Variants in LCORL observed in about 807,000 individuals in gnomAD.
LCORL encodes ligand dependent nuclear receptor corepressor like.
In LCORL, 41 loss-of-function variants were observed where a neutral mutation model predicts 141.8. The observed-to-expected ratio is 0.29, with a 90% CI of 0.23 to 0.38. LCORL has a LOEUF of 0.38. LCORL is among the 10% of genes least tolerant of loss of function. The pLI is 1.00. For synonymous variants in LCORL, 618 were observed against 694.1 expected, an observed-to-expected ratio of 0.89 and a Z score of 1.72; for missense variants, 1,759 against 2,035.0, an observed-to-expected ratio of 0.86 and a Z score of 2.61.
At chr4:17,913,059 T>A (rs1732835185) in intron 4 of LCORL, 2 of 240,964 alleles carry the variant, frequency 8.3e-6, no homozygotes, top group East Asian at 1.1e-4. Flanking sequence ...CAACTCATTT[T>A]AAAGGATGAG....
At chr4:17,899,160 T>C (rs940252052) in intron 5 of LCORL, among the ~76,000 whole-genome samples, 2 of 152,218 alleles carry the variant, frequency 1.3e-5, no homozygotes, top group African/African-American at 4.8e-5. Context: ...AAACTCTTAA[T>C]AGATTAGAAT....
At chr4:17,916,820 T>G (rs1176165834) in intron 4 of LCORL, among the ~76,000 whole-genome samples, 1 of 152,042 alleles carries the variant, frequency 6.6e-6, no homozygotes, top group African/African-American at 2.4e-5. Flanking sequence ...AAGTTTTGTA[T>G]TTTTAGTAGC....
At chr4:17,983,903 T>A (rs894726570) in intron 1 of LCORL, among the ~76,000 whole-genome samples, 1 of 152,142 alleles carries the variant, frequency 6.6e-6, no homozygotes, top group African/African-American at 2.4e-5. Flanking sequence ...TGGCTGTGAG[T>A]TTGTCATATG....
At chr4:17,903,702 C>T (rs758339037) in intron 5 of LCORL, among the ~76,000 whole-genome samples, 12 of 151,752 alleles carry the variant, frequency 7.9e-5, no homozygotes, top group Non-Finnish European at 1.3e-4. Flanking sequence ...ATAGAAAGTA[C>T]AATGGAGAGG....
At position 17,884,317 on chromosome 4, in the gene LCORL, T is replaced by C; in HGVS notation, c.776+1751A>G. On this transcript the variant is annotated intron_variant, in intron 6 of 7. Coordinates refer to ENST00000635767, the Ensembl canonical transcript of LCORL. This position sits in a 1 kb window ranked among gnomAD's most constrained non-coding sequence, Gnocchi z 4.4. ...TTAACTGTACAGTAGGATTTGAAGT[T>C]TCATATTGGAGGCTTTCATTTTTTT... is the stretch of plus-strand genomic sequence containing the variant. 3 of 1,548,558 alleles carry C rather than the reference T, an allele frequency of 1.9e-6. No individual in the cohort carries two copies. Among genetic ancestry groups the C allele is most frequent in the Non-Finnish European group, 1.7e-6 (2 of 1,145,858 alleles).
chr4:17,975,632 G>T (rs760896408), intron 1 of LCORL, among the ~76,000 whole-genome samples: 100 of 152,218 alleles, frequency 6.6e-4, no homozygotes, highest in Non-Finnish European at 1.1e-3. Flanking sequence ...CTGACCTCAG[G>T]TGATCCATCC....
intron 5 of LCORL, among the ~76,000 whole-genome samples, chr4:17,889,071 C>T (rs1269920117): frequency 2.0e-5 from 3 of 152,054 alleles, no homozygotes; most frequent in Non-Finnish European, 4.4e-5. Flanking sequence ...CCTTTCTCTC[C>T]TTTACAGATA....
chr4:17,877,773 A>G, exon 7 of LCORL: 2 of 1,230,708 alleles, frequency 1.6e-6, no homozygotes, highest in South Asian at 8.2e-5. Context: ...TGTAGAGTGA[A>G]TGTTTGGTAA....
chr4:17,883,661 C>T (rs975519324), intron 6 of LCORL: 3 of 1,419,248 alleles, frequency 2.1e-6, no homozygotes, highest in Non-Finnish European at 1.8e-6. Context: ...TGTGCACATA[C>T]ACACACACGC....
chr4:17,865,921 C>T, intron 7 of LCORL, among the ~76,000 whole-genome samples: 1 of 152,178 alleles, frequency 6.6e-6, no homozygotes, highest in East Asian at 1.9e-4. Context: ...GGGAGATCTT[C>T]TAGAAAGCAA....
chr4:17,912,461 A>C, intron 4 of LCORL: 1 of 553,716 alleles, frequency 1.8e-6, no homozygotes. Flanking sequence ...TGGGCCCAAT[A>C]CGATGAGCTG....
At chr4:17,857,780 C>G (rs1724533497) in intron 7 of LCORL, among the ~76,000 whole-genome samples, 1 of 152,196 alleles carries the variant, frequency 6.6e-6, no homozygotes, top group South Asian at 2.1e-4. Context: ...AAAATCATCC[C>G]TGGTTGTAAA....
chr4:17,865,535 A>G (rs1444451058), intron 7 of LCORL, among the ~76,000 whole-genome samples: 1 of 152,218 alleles, frequency 6.6e-6, no homozygotes, highest in Non-Finnish European at 1.5e-5. Context: ...AAAAATCACA[A>G]GAGAAATTAG....
Position 17,873,571 on chromosome 4 carries a change from G to A in LCORL, c.5419C>T (p.Leu1807Phe), listed in dbSNP as rs572392424. The change falls in exon 7 of 8, where the codon CTT becomes TTT. Residue 1807 changes from leucine to phenylalanine, a missense_variant. Physicochemically the swap from Leu to Phe is conservative, Grantham distance 22. Around this residue, in one of 5 missense-constraint regions of LCORL, gnomAD observed 313 missense variants for 336.1 expected, o/e 0.93. Transcript: ENST00000635767. ...CATTTGCTTAATTTACTATTGCCAA[G>A]ATGGTCAGCAAATTCATCAGCTGAA... 7.2e-4 allele frequency: 886 copies of A among 1,233,824 alleles called. 1 individual carries two copies. Among genetic ancestry groups the A allele is most frequent in the Non-Finnish European group, 8.4e-4 (831 of 987,804 alleles). 76.4% of individuals were successfully genotyped at this position (1,233,824 alleles called of 1,614,324 possible). A position where few individuals can be genotyped will look rare whatever the true frequency, so the allele number is the denominator to read the frequency against.
intron 4 of LCORL, among the ~76,000 whole-genome samples, chr4:17,931,809 C>T (rs1038012332): frequency 6.6e-6 from 1 of 152,036 alleles, no homozygotes; most frequent in African/African-American, 2.4e-5. Flanking sequence ...AATATATATT[C>T]ATAAAATATC....
chr4:17,941,320 T>C (rs897237024), intron 4 of LCORL, among the ~76,000 whole-genome samples: 1 of 152,008 alleles, frequency 6.6e-6, no homozygotes, highest in Non-Finnish European at 1.5e-5. Context: ...ATATATACTA[T>C]ATATGCACTT....
Position 18,021,355 on chromosome 4 carries a change from C to T in LCORL, c.154+243G>A, listed in dbSNP as rs1725540412. ...TCCGCGGGGGCTCAGCAAGCGGGTC[C>T]AAACTAACAGTTCCCGGGGAGCCCA... On this transcript the variant is annotated intron_variant, in intron 1 of 7. Coordinates refer to ENST00000635767, the Ensembl canonical transcript of LCORL. The surrounding 1 kb of genome is among the most constrained non-coding windows in gnomAD (Gnocchi z 5.5). Among the ~76,000 whole-genome samples, 1 of 152,126 alleles carries T rather than the reference C, an allele frequency of 6.6e-6. No homozygotes were observed. The highest frequency in any genetic ancestry group is 6.5e-5 in the Admixed American group (1 of 15,274).
exon 7 of LCORL, chr4:17,876,373 C>T (rs1032616709): frequency 8.1e-7 from 1 of 1,230,718 alleles, no homozygotes. Flanking sequence ...GCATGTTGGT[C>T]TTTACCATCA....
intron 4 of LCORL, among the ~76,000 whole-genome samples, chr4:17,923,569 C>A (rs753832917): frequency 6.6e-6 from 1 of 152,104 alleles, no homozygotes; most frequent in African/African-American, 2.4e-5. Context: ...TCGCTCGAAC[C>A]CGGGAGGCGG....
Sources: gnomAD v4.1 joint callset for allele counts (sites outside exome capture counted in the v4.1 genomes callset) on GRCh38, gnomAD v4.1.1 for gene constraint, gnomAD v4.1.1 regional missense constraint, Gnocchi (gnomAD v3.1) non-coding constraint, MANE v1.5 for transcripts, NCBI Gene and HGNC (gene_info 2026-07-23, HGNC 2026-07-21) for gene names.